ZC3H12B: variants seen among roughly 807,000 people sequenced by gnomAD.
ZC3H12B encodes the protein zinc finger CCCH-type containing 12B, also known as probable ribonuclease ZC3H12B.
ZC3H12B carries 7 observed loss-of-function variants against 43.9 expected under a neutral mutation model. That is an observed-to-expected ratio of 0.16 (90% CI 0.09 to 0.30). The LOEUF (loss-of-function observed/expected upper bound fraction) is 0.30. Among genes scored for constraint, ZC3H12B ranks in the 10% least tolerant of loss-of-function variants. ZC3H12B has a pLI of 1.00. For missense variants in ZC3H12B, 475 were observed against 670.2 expected (o/e 0.71, Z 3.22); for synonymous variants, 222 against 241.7 (o/e 0.92, Z 0.76).
chrX:65,163,917 C>A, the ZC3H12B span, among the ~76,000 whole-genome samples: 4 of 111,646 alleles, frequency 3.6e-5, no homozygotes, highest in Admixed American at 9.6e-5. Flanking sequence ...ATCTTGGCTC[C>A]CCCCCTCTGC....
At chrX:65,251,996 G>A in the ZC3H12B span, among the ~76,000 whole-genome samples, 1 of 111,762 alleles carries the variant, frequency 8.9e-6, no homozygotes, top group East Asian at 2.8e-4. Context: ...GTGAGAGAGG[G>A]CATCCCTGTC....
chrX:65,391,267 C>T (rs756047807), intron 2 of ZC3H12B, among the ~76,000 whole-genome samples: 1 of 111,718 alleles, frequency 9.0e-6, no homozygotes, highest in East Asian at 2.8e-4. Flanking sequence ...ATTTAATATA[C>T]TGTGGGAAAA....
At chrX:65,416,939 A>G (rs1360855742) in intron 3 of ZC3H12B, among the ~76,000 whole-genome samples, 2 of 112,093 alleles carry the variant, frequency 1.8e-5, no homozygotes, top group African/African-American at 6.5e-5. Flanking sequence ...ACTTGTTTAT[A>G]CTGAAAACTC....
At chrX:65,115,896 T>C in the ZC3H12B span, among the ~76,000 whole-genome samples, 1 of 111,409 alleles carries the variant, frequency 9.0e-6, no homozygotes, top group Non-Finnish European at 1.9e-5. Context: ...ACTTTTTTGA[T>C]GGGATTGTTT....
the ZC3H12B span, among the ~76,000 whole-genome samples, chrX:65,182,555 A>G: frequency 9.0e-6 from 1 of 111,387 alleles, no homozygotes; most frequent in African/African-American, 3.3e-5. Flanking sequence ...AGCAATTGTA[A>G]CAAAAAAATT....
At chrX:65,408,169 T>C (rs1408276226) in intron 3 of ZC3H12B, 1 of 1,200,511 alleles carries the variant, frequency 8.3e-7, no homozygotes, top group Non-Finnish European at 1.1e-6. Context: ...TGGACCGGAT[T>C]AAAGAGGAAT....
chrX:65,061,685 A>G, the ZC3H12B span, among the ~76,000 whole-genome samples: 3 of 112,442 alleles, frequency 2.7e-5, no homozygotes, highest in African/African-American at 9.7e-5. Flanking sequence ...TATACCCAGT[A>G]ATGGGATTGC....
intron 3 of ZC3H12B, among the ~76,000 whole-genome samples, chrX:65,456,045 G>A (rs904382474): frequency 5.4e-5 from 6 of 111,566 alleles, no homozygotes; most frequent in African/African-American, 1.6e-4. Context: ...AAAGACCATC[G>A]AGGCTAGGAA....
the ZC3H12B span, among the ~76,000 whole-genome samples, chrX:65,094,763 T>C: frequency 8.9e-6 from 1 of 112,227 alleles, no homozygotes; most frequent in African/African-American, 3.2e-5. Flanking sequence ...TATTTTGACC[T>C]GGAGTACATA....
At chrX:65,426,406 A>C (rs1224596253) in intron 3 of ZC3H12B, among the ~76,000 whole-genome samples, 3 of 105,924 alleles carry the variant, frequency 2.8e-5, no homozygotes, top group Non-Finnish European at 5.9e-5. Flanking sequence ...AAAAAAAAAA[A>C]AAAAAAAAAA....
the ZC3H12B span, among the ~76,000 whole-genome samples, chrX:65,103,402 T>A: frequency 1.8e-5 from 2 of 112,065 alleles, no homozygotes; most frequent in Non-Finnish European, 3.8e-5. Context: ...TGTTCTTTTT[T>A]CAAGGTGCCC....
At chrX:65,412,056 A>G (rs1417825961) in intron 3 of ZC3H12B, among the ~76,000 whole-genome samples, 1 of 111,484 alleles carries the variant, frequency 9.0e-6, no homozygotes, top group Non-Finnish European at 1.9e-5. Flanking sequence ...TAATGTATTC[A>G]CAGTGTTGTG....
chrX:65,385,656 C>T (rs2058693622), intron 2 of ZC3H12B, among the ~76,000 whole-genome samples: 1 of 111,359 alleles, frequency 9.0e-6, no homozygotes, highest in Admixed American at 9.6e-5. Flanking sequence ...TGCATGATTG[C>T]TCTGGCCAGA....
the ZC3H12B span, among the ~76,000 whole-genome samples, chrX:65,145,635 G>C: frequency 9.0e-6 from 1 of 111,639 alleles, no homozygotes; most frequent in African/African-American, 3.3e-5. Context: ...GTGTTTCCAG[G>C]ATTGACTTCA....
chrX:65,381,866 A>C (rs1455046306), intron 2 of ZC3H12B, among the ~76,000 whole-genome samples: 15 of 111,867 alleles, frequency 1.3e-4, no homozygotes, highest in African/African-American at 4.6e-4. Context: ...GAAATGGATA[A>C]ATTCCTCGAC....
At chrX:65,400,629 G>A (rs1267978705) in intron 3 of ZC3H12B, among the ~76,000 whole-genome samples, 1 of 111,638 alleles carries the variant, frequency 9.0e-6, no homozygotes, top group Non-Finnish European at 1.9e-5. Context: ...GGGAAGGCGG[G>A]AAAGCAGTCT....
chrX:65,075,986 A>T, the ZC3H12B span, among the ~76,000 whole-genome samples: 1 of 110,868 alleles, frequency 9.0e-6, no homozygotes, highest in Non-Finnish European at 1.9e-5. Context: ...GAGCCTTTTA[A>T]CTAGTTTCTG....
chrX:65,108,481 G>A, the ZC3H12B span, among the ~76,000 whole-genome samples: 5 of 109,059 alleles, frequency 4.6e-5, no homozygotes, highest in African/African-American at 1.0e-4. Context: ...CCAACGCAGG[G>A]CCAGGATCAT....
At chrX:65,388,348 C>G (rs1350845063) in intron 2 of ZC3H12B, among the ~76,000 whole-genome samples, 1 of 111,525 alleles carries the variant, frequency 9.0e-6, no homozygotes, top group South Asian at 3.7e-4. Flanking sequence ...TTTTGTTTAT[C>G]CTTTTTTCTC....
Sources: allele counts gnomAD v4.1 joint callset (sites outside exome capture counted in the v4.1 genomes callset), GRCh38; gene constraint gnomAD v4.1.1; transcripts MANE v1.5; gene names NCBI Gene and HGNC (gene_info 2026-07-23, HGNC 2026-07-21).